C13orf46: variants seen among roughly 807,000 people sequenced by gnomAD.
C13orf46 encodes uncharacterized protein C13orf46.
At chr13:113,932,136 C>G in the C13orf46 span, among the ~76,000 whole-genome samples, 3 of 152,174 alleles carry the variant, frequency 2.0e-5, no homozygotes, top group Admixed American at 2.0e-4. Context: ...ATGGGTGTAT[C>G]ATAATTGGTT....
chr13:113,927,150 G>A, the C13orf46 span: 97 of 172,604 alleles, frequency 5.6e-4, 1 homozygote, highest in Admixed American at 1.3e-4. Flanking sequence ...ATACAGCTCC[G>A]CTTCCCTGTG....
At chr13:113,931,437 G>C in the C13orf46 span, among the ~76,000 whole-genome samples, 1 of 152,176 alleles carries the variant, frequency 6.6e-6, no homozygotes, top group Non-Finnish European at 1.5e-5. Flanking sequence ...TTGAGTTCAG[G>C]GAGGGGCAAT....
At chr13:113,963,484 C>CGTCCTCAGCCTCGGCCCCT (rs1323292263) in intron 6 of C13orf46, among the ~76,000 whole-genome samples, 2 of 142,592 alleles carry the variant, frequency 1.4e-5, no homozygotes, top group East Asian at 4.2e-4. Context: ...AGCCTCAGCC[C>CGTCCTCAGCCTCGGCCCCT]GTCCTCAGCC....
the C13orf46 span, among the ~76,000 whole-genome samples, chr13:113,934,145 T>TTGAGA: frequency 6.6e-6 from 1 of 152,102 alleles, no homozygotes; most frequent in Non-Finnish European, 1.5e-5. Flanking sequence ...AATGCAGCCT[T>TTGAGA]TGAGATGGAG....
At chr13:113,933,681 T>C in the C13orf46 span, among the ~76,000 whole-genome samples, 4 of 152,240 alleles carry the variant, frequency 2.6e-5, no homozygotes, top group African/African-American at 4.8e-5. Context: ...TCTCAGTATA[T>C]AGGACTTGTA....
chr13:113,946,302 C>G, the C13orf46 span, among the ~76,000 whole-genome samples: 10 of 152,336 alleles, frequency 6.6e-5, no homozygotes, highest in East Asian at 1.7e-3. Flanking sequence ...ACCCCTCTAA[C>G]TCACGTAACA....
chr13:113,939,433 C>G, the C13orf46 span, among the ~76,000 whole-genome samples: 1 of 150,958 alleles, frequency 6.6e-6, no homozygotes, highest in South Asian at 2.1e-4. Flanking sequence ...CAACGGGGAA[C>G]ACGGGGATCA....
chr13:113,946,017 G>C, the C13orf46 span, among the ~76,000 whole-genome samples: 1 of 152,188 alleles, frequency 6.6e-6, no homozygotes, highest in African/African-American at 2.4e-5. Flanking sequence ...GGGCTGGAGT[G>C]CAGGGCAGTA....
chr13:113,965,562 G>A (rs1379064515), intron 5 of C13orf46, among the ~76,000 whole-genome samples: 1 of 151,956 alleles, frequency 6.6e-6, no homozygotes, highest in African/African-American at 2.4e-5. Context: ...TGGTGATGAC[G>A]ATGGTGATGA....
In C13orf46 at chr13:113,971,580, G is replaced by C. The variant is rs189235691; in HGVS notation, c.191-1358C>G. 4.9e-3 allele frequency among the ~76,000 whole-genome samples: 751 copies of C among 152,330 alleles called. 10 individuals are homozygous for C. The highest frequency in any genetic ancestry group is 0.017 in the African/African-American group (710 of 41,578). ...TCTGGGCTGCCCTCCGTGAGCGCTGGTCTCCTGTGCTCCGCATGGCCCAGG... is the reference window on the plus strand; with the variant it reads ...TCTGGGCTGCCCTCCGTGAGCGCTGCTCTCCTGTGCTCCGCATGGCCCAGG... On this transcript the variant is annotated intron_variant, in intron 1 of 6. Coordinates refer to ENST00000636427, the MANE Select transcript of C13orf46 (RefSeq NM_001365455.2).
At chr13:113,948,664 G>A in the C13orf46 span, among the ~76,000 whole-genome samples, 2 of 152,186 alleles carry the variant, frequency 1.3e-5, no homozygotes, top group Non-Finnish European at 2.9e-5. Flanking sequence ...AACCTCACAC[G>A]TTCTGGTACT....
intron 6 of C13orf46, among the ~76,000 whole-genome samples, chr13:113,963,246 GCCCCTGTCCT>G (rs2052602926): frequency 6.0e-5 from 6 of 99,516 alleles, no homozygotes; most frequent in Admixed American, 5.2e-4. Flanking sequence ...CCTCAGCCTC[GCCCCTGTCCT>G]CAGCCTCGGC....
chr13:113,961,294 A>T (rs2052584544), intron 6 of C13orf46, among the ~76,000 whole-genome samples: 2 of 151,934 alleles, frequency 1.3e-5, no homozygotes, highest in South Asian at 4.1e-4. Flanking sequence ...ACATACATTT[A>T]TATTAATATA....
chr13:113,965,531 T>C (rs1240524944), intron 5 of C13orf46, among the ~76,000 whole-genome samples: 18 of 152,220 alleles, frequency 1.2e-4, no homozygotes, highest in Admixed American at 2.6e-4. Context: ...AGGATGATGA[T>C]TATGGTGGTG....
At chr13:113,951,670 AT>A (rs1297525442), downstream of C13orf46, among the ~76,000 whole-genome samples, 1 of 151,276 alleles carries the variant, frequency 6.6e-6, no homozygotes, top group Non-Finnish European at 1.5e-5. Flanking sequence ...GGCTGCATTC[AT>A]CCCCCTGCTC....
At chr13:113,937,826 T>C in the C13orf46 span, among the ~76,000 whole-genome samples, 3 of 152,132 alleles carry the variant, frequency 2.0e-5, no homozygotes, top group Non-Finnish European at 4.4e-5. Flanking sequence ...TTTACAGGAA[T>C]GGTCACTCAT....
chr13:113,963,857 T>C (rs1045051601), intron 6 of C13orf46, among the ~76,000 whole-genome samples: 1 of 152,306 alleles, frequency 6.6e-6, no homozygotes, highest in Admixed American at 6.5e-5. Flanking sequence ...GTAACTGTTG[T>C]TTGTTTGTTT....
Position 113,967,601 on chromosome 13 carries a change from T to C in C13orf46, c.457-213A>G, listed in dbSNP as rs944790160. On this transcript the variant is annotated intron_variant, in intron 4 of 6. Transcript: ENST00000636427. ...GGCAGTATGGACTGTGAGGTGCCCATGTAGGAGAAGGATGTAGGAGGGATA... is the reference window on the plus strand; with the variant it reads ...GGCAGTATGGACTGTGAGGTGCCCACGTAGGAGAAGGATGTAGGAGGGATA... Among the ~76,000 whole-genome samples, 725 of 152,228 alleles carry C rather than the reference T, an allele frequency of 4.8e-3. 15 individuals carry two copies. In the East Asian group the frequency reaches 0.065, roughly 14 times the overall value.
chr13:113,932,454 G>A, the C13orf46 span, among the ~76,000 whole-genome samples: 8 of 152,332 alleles, frequency 5.3e-5, no homozygotes, highest in South Asian at 1.2e-3. Context: ...ACTGGTCTTC[G>A]TTTGCACTTC....
Sources: gnomAD v4.1 joint callset for allele counts (sites outside exome capture counted in the v4.1 genomes callset) on GRCh38, gnomAD v4.1.1 for gene constraint, MANE v1.5 for transcripts, NCBI Gene and HGNC (gene_info 2026-07-23, HGNC 2026-07-21) for gene names.